Variants in ZCCHC14 observed in about 807,000 individuals in gnomAD.
ZCCHC14 encodes zinc finger CCHC-type containing 14.
A neutral mutation model predicts 85.0 loss-of-function variants in ZCCHC14; 16 were observed. The ratio of observed to expected loss-of-function variants is 0.19; its 90% confidence interval spans 0.13 to 0.29. ZCCHC14 has a LOEUF of 0.29. Among genes scored for constraint, ZCCHC14 ranks in the 10% least tolerant of loss-of-function variants. The pLI is 1.00. For missense variants in ZCCHC14, 1,303 were observed against 1,443.5 expected (o/e 0.90, Z 1.58); for synonymous variants, 775 against 630.7 (o/e 1.23, Z -3.43).
At chr16:87,438,108 G>A (rs972756322) in intron 2 of ZCCHC14, among the ~76,000 whole-genome samples, 12 of 152,342 alleles carry the variant, frequency 7.9e-5, no homozygotes, top group African/African-American at 2.4e-4. Context: ...CCCACAAAGC[G>A]GGTACAGTAG....
intron 3 of ZCCHC14, among the ~76,000 whole-genome samples, chr16:87,432,605 G>C (rs767129736): frequency 6.6e-6 from 1 of 152,156 alleles, no homozygotes; most frequent in South Asian, 2.1e-4. Flanking sequence ...TGCACGCCCT[G>C]CTGTGAGAGG....
At chr16:87,487,837 A>G (rs1417773539) in intron 1 of ZCCHC14, among the ~76,000 whole-genome samples, 1 of 152,162 alleles carries the variant, frequency 6.6e-6, no homozygotes, top group Non-Finnish European at 1.5e-5. Flanking sequence ...CACCCACAGC[A>G]TGGACGGGCC....
At chr16:87,451,739 G>A (rs763592953) in intron 2 of ZCCHC14, among the ~76,000 whole-genome samples, 3 of 152,230 alleles carry the variant, frequency 2.0e-5, no homozygotes, top group Non-Finnish European at 4.4e-5. Flanking sequence ...GGACAGTGCT[G>A]TTGTCATTGG....
intron 10 of ZCCHC14, 75 bp downstream of exon 10, chr16:87,414,339 G>A (rs1908661699): frequency 1.9e-6 from 3 of 1,610,110 alleles, no homozygotes; most frequent in South Asian, 2.2e-5. Context: ...CTCTGTGTAT[G>A]AGTAACCCAT....
Position 87,460,122 on chromosome 16 carries a change from T to G in ZCCHC14, c.580A>C (p.Arg194=). ...TCPACHKITP[R]TEAPVSSVSN... is the part of the protein sequence containing the mutation. ...ACACTGCTGACAGGGGCCTCAGTTC[T>G]TGGAGTGATCTGAGGGAACAGAAAC... The change falls in exon 2 of 13, where the codon AGA becomes CGA. Residue 194 remains arginine, a synonymous_variant. Transcript: ENST00000671377. 6.2e-7 allele frequency: 1 copy of G among 1,614,204 alleles called. No homozygotes were observed. Among genetic ancestry groups the G allele is most frequent in the Non-Finnish European group, 8.5e-7 (1 of 1,180,024 alleles).
chr16:87,427,412 CT>C (rs1248192230), intron 3 of ZCCHC14, among the ~76,000 whole-genome samples: 3 of 152,084 alleles, frequency 2.0e-5, no homozygotes, highest in Admixed American at 6.6e-5. Context: ...GGGGTATGAA[CT>C]TTTTTTTCTT....
rs1303388669 is a variant in ZCCHC14 at position 87,408,975 on chromosome 16, G to T, written c.*1305C>A. The T allele has an allele frequency of 6.6e-6, 1 of 152,614 alleles. No individual in the cohort carries two copies. Among genetic ancestry groups the T allele is most frequent in the Non-Finnish European group, 1.5e-5 (1 of 68,044 alleles). 9.5% of individuals were successfully genotyped at this position (152,614 alleles called of 1,614,324 possible). A position where few individuals can be genotyped will look rare whatever the true frequency, so the allele number is the denominator to read the frequency against. On this transcript the variant is annotated 3_prime_UTR_variant, in exon 13 of 13. Transcript: ENST00000671377. ...GCAGAAAATTCCCTTTAACCTTGAA[G>T]ATTTAAGTCCGTAAATTTCAGACAA...
At chr16:87,467,086 T>C (rs1911558852) in intron 1 of ZCCHC14, 14 of 599,860 alleles carry the variant, frequency 2.3e-5, no homozygotes, top group Non-Finnish European at 3.2e-5. Context: ...GGTCCCGCTA[T>C]GTTGCCCCAT....
intron 2 of ZCCHC14, among the ~76,000 whole-genome samples, chr16:87,443,068 T>C (rs542506384): frequency 1.3e-5 from 2 of 152,314 alleles, no homozygotes; most frequent in South Asian, 2.1e-4. Flanking sequence ...ATGTGAAATA[T>C]CTGGGTAATA....
intron 2 of ZCCHC14, among the ~76,000 whole-genome samples, chr16:87,446,751 G>A (rs1910458511): frequency 6.6e-6 from 1 of 151,818 alleles, no homozygotes; most frequent in Non-Finnish European, 1.5e-5. Flanking sequence ...GTGCAGTGAC[G>A]CGATCTTGGC....
At chr16:87,437,926 C>T (rs979161063) in intron 2 of ZCCHC14, among the ~76,000 whole-genome samples, 11 of 152,242 alleles carry the variant, frequency 7.2e-5, no homozygotes, top group African/African-American at 2.4e-4. Flanking sequence ...CACCACACCA[C>T]GGTGTTTCGA....
intron 1 of ZCCHC14, among the ~76,000 whole-genome samples, chr16:87,465,086 G>C (rs969825950): frequency 2.0e-5 from 3 of 152,172 alleles, no homozygotes; most frequent in Admixed American, 2.0e-4. Context: ...CTGCTGCCCT[G>C]GGCACAGCAG....
intron 2 of ZCCHC14, among the ~76,000 whole-genome samples, chr16:87,447,752 A>C (rs1413904802): frequency 6.6e-6 from 1 of 152,242 alleles, no homozygotes. Flanking sequence ...TATAAGATAC[A>C]TTTATCACTT....
At chr16:87,411,214 A>G (rs911677306) in intron 12 of ZCCHC14, among the ~76,000 whole-genome samples, 39 of 152,218 alleles carry the variant, frequency 2.6e-4, no homozygotes, top group Admixed American at 9.2e-4. Flanking sequence ...GCAGCACTGA[A>G]TCCCTCACAC....
Position 87,491,842 on chromosome 16 carries a change from G to A in ZCCHC14, c.397C>T (p.Leu133=), listed in dbSNP as rs771004879. Residue 133 remains leucine, a synonymous_variant, in exon 1 of 13, where the codon CTG becomes TTG. Transcript: ENST00000671377. The surrounding 1 kb of genome is among the most constrained non-coding windows in gnomAD (Gnocchi z 5.9). ...LNEGRTGDEF[L]LLFTMASNHP... ...TTGGAGGCCATGGTGAACAGCAGCA[G>A]GAACTCATCGCCCGTGCGGCCCTCG... 6 of 1,577,984 alleles carry A rather than the reference G, an allele frequency of 3.8e-6. No individual in the cohort carries two copies. Among genetic ancestry groups the A allele is most frequent in the African/African-American group, 1.4e-5 (1 of 71,532 alleles).
chr16:87,450,809 G>T (rs996617153), intron 2 of ZCCHC14, among the ~76,000 whole-genome samples: 3 of 152,068 alleles, frequency 2.0e-5, no homozygotes, highest in African/African-American at 7.2e-5. Context: ...GCCTGCCTTG[G>T]CCTCCCAAAG....
intron 8 of ZCCHC14, 86 bp from the exon 9 acceptor site, chr16:87,415,453 T>C: frequency 8.6e-7 from 1 of 1,158,828 alleles, no homozygotes; most frequent in South Asian, 1.3e-5. Flanking sequence ...TTCAGTACAT[T>C]TATTCTGCCT....
intron 3 of ZCCHC14, among the ~76,000 whole-genome samples, chr16:87,425,577 A>T (rs1432306806): frequency 6.6e-6 from 1 of 151,774 alleles, no homozygotes; most frequent in Non-Finnish European, 1.5e-5. Context: ...ACTCTATCAA[A>T]AAAAAAAAAG....
intron 3 of ZCCHC14, among the ~76,000 whole-genome samples, chr16:87,431,832 G>A (rs1399455277): frequency 6.6e-6 from 1 of 152,114 alleles, no homozygotes; most frequent in Non-Finnish European, 1.5e-5. Flanking sequence ...GCACTCAGAG[G>A]GCCCCTGTGG....
Sources: allele counts gnomAD v4.1 joint callset (sites outside exome capture counted in the v4.1 genomes callset), GRCh38; gene constraint gnomAD v4.1.1; non-coding constraint Gnocchi (gnomAD v3.1); transcripts MANE v1.5; gene names NCBI Gene and HGNC (gene_info 2026-07-23, HGNC 2026-07-21).